MZT1: variants seen among roughly 807,000 people sequenced by gnomAD.
The protein encoded by MZT1 is mitotic spindle organizing protein 1, also known as mitotic-spindle organizing protein 1.
MZT1 carries 8 observed loss-of-function variants against 8.5 expected under a neutral mutation model. The ratio of observed to expected loss-of-function variants is 0.94; its 90% CI spans 0.55 to 1.70. The LOEUF (loss-of-function observed/expected upper bound fraction) is 1.70. MZT1 is among the 40% of genes most tolerant of loss of function. The pLI is 0.00. For synonymous variants in MZT1, 38 were observed against 42.0 expected, an observed-to-expected ratio of 0.90 and a Z score of 0.37; for missense variants, 93 against 108.6, an observed-to-expected ratio of 0.86 and a Z score of 0.64.
intron 1 of MZT1, 29 bp from the exon 2 acceptor site, chr13:72,719,126 C>G: frequency 1.5e-6 from 2 of 1,314,162 alleles, no homozygotes; most frequent in Non-Finnish European, 2.0e-6. Context: ...AAAAAAAAAA[C>G]TTAAGGCTTA....
intron 2 of MZT1, among the ~76,000 whole-genome samples, chr13:72,716,439 C>T (rs771283492): frequency 5.3e-5 from 8 of 151,924 alleles, no homozygotes; most frequent in Non-Finnish European, 1.0e-4. Flanking sequence ...ATTTAATAAT[C>T]AAGAGATTTT....
At chr13:72,723,680 A>C (rs963119682) in intron 1 of MZT1, among the ~76,000 whole-genome samples, 3 of 152,206 alleles carry the variant, frequency 2.0e-5, no homozygotes, top group African/African-American at 7.2e-5. Flanking sequence ...CATGGTCCCA[A>C]GGTTTTTGGA....
Position 72,708,384 on chromosome 13 carries a change from T to C in MZT1, c.*1938A>G, listed in dbSNP as rs1160518807. The C allele has an allele frequency of 6.6e-6, 1 of 152,638 alleles. No homozygotes were observed. Among genetic ancestry groups the C allele is most frequent in the Non-Finnish European group, 1.5e-5 (1 of 68,042 alleles). The allele number at this position is 152,638 out of a possible 1,614,324, so 9.5% of individuals were successfully genotyped here. A position where few individuals can be genotyped will look rare whatever the true frequency, so the allele number is the denominator to read the frequency against. ...CAGGCCAATACCACCAAAATGGTTT[T>C]ATTTTTGTCATTGACAACAAGCACA... On this transcript the variant is annotated 3_prime_UTR_variant, in exon 3 of 3. Transcript: ENST00000377818.
In MZT1 at chr13:72,710,352, C is replaced by T. The variant is rs2032476684; in HGVS notation, c.226-7G>A. ...TTGTCATATTTTCAGCAGCCTAGAA[C>T]AAGAAAGTAAGATTCATTACAATAA... On this transcript the variant is annotated splice_region_variant and splice_polypyrimidine_tract_variant and intron_variant, in intron 2 of 2. Transcript: ENST00000377818. 6.2e-7 allele frequency: 1 copy of T among 1,612,736 alleles called. No individual in the cohort carries two copies.
chr13:72,713,126 A>T (rs374139763), intron 2 of MZT1, among the ~76,000 whole-genome samples: 1 of 152,212 alleles, frequency 6.6e-6, no homozygotes, highest in Admixed American at 6.5e-5. Context: ...GTAGTTAAGT[A>T]AACAACTCTG....
chr13:72,710,381 C>G, intron 2 of MZT1, 36 bp from the exon 3 acceptor site: 1 of 1,607,206 alleles, frequency 6.2e-7, no homozygotes, highest in Non-Finnish European at 8.5e-7. Flanking sequence ...ACAATAAAAC[C>G]ATGGAAAAAG....
chr13:72,727,620 G>A lies in MZT1; in HGVS notation c.-18C>T, dbSNP rs1404583071. ...CTCGCCATGGCTAAGGCCGAGGGAG[G>A]CGGGAGAAGGGCCTGACCCGGAACT... is the stretch of plus-strand genomic sequence containing the variant. On this transcript the variant is annotated 5_prime_UTR_variant, in exon 1 of 3. Transcript: ENST00000377818. 5.1e-6 allele frequency: 8 copies of A among 1,574,716 alleles called. No individual in the cohort carries two copies. The East Asian group carries it at 1.6e-4, about 32-fold the overall frequency.
chr13:72,710,395 C>T (rs1358119278), intron 2 of MZT1, 50 bp from the exon 3 acceptor site: 2 of 1,579,750 alleles, frequency 1.3e-6, no homozygotes, highest in East Asian at 4.5e-5. Context: ...GAAAAAGAGG[C>T]ATCATGAAGA....
chr13:72,714,155 G>A (rs952488905), intron 2 of MZT1, among the ~76,000 whole-genome samples: 4 of 152,088 alleles, frequency 2.6e-5, no homozygotes, highest in African/African-American at 9.7e-5. Context: ...TGCATGTTAT[G>A]CTTTAGCAAA....
chr13:72,720,091 A>T (rs774407340), intron 1 of MZT1, among the ~76,000 whole-genome samples: 1 of 152,180 alleles, frequency 6.6e-6, no homozygotes, highest in Non-Finnish European at 1.5e-5. Context: ...AAAACCCCCC[A>T]TAAGTATTTA....
chr13:72,713,044 T>C (rs1028952079), intron 2 of MZT1, among the ~76,000 whole-genome samples: 10 of 152,234 alleles, frequency 6.6e-5, no homozygotes, highest in Admixed American at 6.5e-4. Context: ...CTCTTGTTTC[T>C]AATAACGACT....
Position 72,719,098 on chromosome 13 carries a change from C to T in MZT1, c.80-1G>A. The stretch of plus-strand genomic sequence containing the variant: ...AAAATTCTTGAAATCTCAAGCAGAA[C>T]TGAAAAAAGATACAAAAAAAAAAAA... On this transcript the variant is annotated splice_acceptor_variant, in intron 1 of 2. Transcript: ENST00000377818. LOFTEE classifies it high-confidence loss of function. 1 of 1,456,212 alleles carries T rather than the reference C, an allele frequency of 6.9e-7. No homozygotes were observed. The highest frequency in any genetic ancestry group is 9.0e-7 in the Non-Finnish European group (1 of 1,111,312). 90.2% of individuals were successfully genotyped at this position (1,456,212 alleles called of 1,614,324 possible). A position where few individuals can be genotyped will look rare whatever the true frequency, so the allele number is the denominator to read the frequency against.
intron 2 of MZT1, among the ~76,000 whole-genome samples, chr13:72,714,363 A>G (rs1240702129): frequency 6.6e-6 from 1 of 152,238 alleles, no homozygotes; most frequent in African/African-American, 2.4e-5. Flanking sequence ...GGGGAGGCAG[A>G]GCATAAAAGT....
At chr13:72,720,813 G>A (rs879625582) in intron 1 of MZT1, among the ~76,000 whole-genome samples, 3 of 152,128 alleles carry the variant, frequency 2.0e-5, no homozygotes, top group Non-Finnish European at 4.4e-5. Context: ...GCTTGAACCC[G>A]GGAAGTAAAG....
chr13:72,726,916 C>T (rs2032670492), intron 1 of MZT1, among the ~76,000 whole-genome samples: 1 of 152,150 alleles, frequency 6.6e-6, no homozygotes, highest in African/African-American at 2.4e-5. Context: ...ACACGTGCCT[C>T]CGGGGCCGAA....
chr13:72,719,810 T>C (rs1050225952), intron 1 of MZT1, among the ~76,000 whole-genome samples: 1 of 152,230 alleles, frequency 6.6e-6, no homozygotes, highest in African/African-American at 2.4e-5. Context: ...GAACTCATTG[T>C]CTTTAACATG....
At chr13:72,722,906 A>G (rs560417504) in intron 1 of MZT1, among the ~76,000 whole-genome samples, 2 of 152,284 alleles carry the variant, frequency 1.3e-5, no homozygotes, top group South Asian at 2.1e-4. Context: ...CAAGTGCTCA[A>G]TCTACCATAT....
rs2032456421 is a variant in MZT1 at position 72,708,773 on chromosome 13, T to A, written c.*1549A>T. On this transcript the variant is annotated 3_prime_UTR_variant, in exon 3 of 3. Coordinates refer to ENST00000377818, the MANE Select transcript of MZT1 (RefSeq NM_001071775.3). ...CCAGTAACAGATCTTCCAGTTTACT[T>A]GGTTGGTAAAGATGCCAGGCATTTA... is the stretch of plus-strand genomic sequence containing the variant. 1 of 151,902 alleles carries A rather than the reference T, an allele frequency of 6.6e-6. No homozygotes were observed. Among genetic ancestry groups the A allele is most frequent in the African/African-American group, 2.4e-5 (1 of 41,390 alleles). 9.4% of individuals were successfully genotyped at this position (151,902 alleles called of 1,614,324 possible). A position where few individuals can be genotyped will look rare whatever the true frequency, so the allele number is the denominator to read the frequency against.
chr13:72,721,510 T>A (rs1225317946), intron 1 of MZT1, among the ~76,000 whole-genome samples: 4 of 152,244 alleles, frequency 2.6e-5, no homozygotes, highest in African/African-American at 9.6e-5. Flanking sequence ...CTTCTACAGA[T>A]CTCCAGCATT....
Sources: allele counts gnomAD v4.1 joint callset (sites outside exome capture counted in the v4.1 genomes callset), GRCh38; gene constraint gnomAD v4.1.1; transcripts MANE v1.5; gene names NCBI Gene and HGNC (gene_info 2026-07-23, HGNC 2026-07-21).